The following PCDHGA3 variants were observed in gnomAD, a reference collection of about 807,000 sequenced individuals.
The protein encoded by PCDHGA3 is protocadherin gamma subfamily A, 3.
A neutral mutation model predicts 58.5 loss-of-function variants in PCDHGA3; 40 were observed. The ratio of observed to expected loss-of-function variants is 0.68; its 90% CI spans 0.53 to 0.89. PCDHGA3 has a LOEUF of 0.89. Ranked by LOEUF, PCDHGA3 falls within the 40% of genes least tolerant of loss-of-function variation. The pLI, the probability that PCDHGA3 is intolerant of heterozygous loss-of-function variation, is 0.00. For synonymous variants in PCDHGA3, 530 were observed against 525.7 expected (o/e 1.01, Z -0.11); for missense variants, 1,223 against 1,195.9 (o/e 1.02, Z -0.33).
intron 1 of PCDHGA3, chr5:141,408,464 A>C (rs764186219): frequency 6.2e-7 from 1 of 1,613,934 alleles, no homozygotes; most frequent in South Asian, 1.1e-5. Context: ...ACTTGTGAAG[A>C]ACCGAATAGA....
At chr5:141,355,117 AT>A (rs1170633529) in intron 1 of PCDHGA3, 1 of 1,513,660 alleles carries the variant, frequency 6.6e-7, no homozygotes, top group Non-Finnish European at 8.8e-7. Flanking sequence ...AATGCACTTT[AT>A]TTTGGACCCA....
At position 141,345,058 on chromosome 5, in the gene PCDHGA3, A is replaced by G; in HGVS notation, c.1025A>G (p.Asp342Gly). The G allele has an allele frequency of 6.2e-7, 1 of 1,613,992 alleles. No homozygotes were observed. The change falls in exon 1 of 4, where the codon GAC becomes GGC. Residue 342 changes from aspartate to glycine, a missense_variant. Coordinates refer to ENST00000253812, the MANE Select transcript of PCDHGA3 (RefSeq NM_018916.4). ...CTAGTCACGGTTCTGGATGTGAATGACAATGCTCCAGAAATTACAATCACG... is the reference window on the plus strand; with the variant it reads ...CTAGTCACGGTTCTGGATGTGAATGGCAATGCTCCAGAAATTACAATCACG... ...KILVTVLDVN[D>G]NAPEITITSL...
chr5:141,394,761 G>A, intron 1 of PCDHGA3: 1 of 1,613,428 alleles, frequency 6.2e-7, no homozygotes, highest in South Asian at 1.1e-5. Context: ...CCAGGACCAT[G>A]GCCAGCCCCC....
At chr5:141,376,285 C>A in intron 1 of PCDHGA3, 2 of 1,614,230 alleles carry the variant, frequency 1.2e-6, no homozygotes, top group Non-Finnish European at 1.7e-6. Context: ...GCTTAGCGAG[C>A]ATGCCCGGCT....
rs953428261 is a variant in PCDHGA3, at chr5:141,430,262, T to C, written c.2425-64545T>C. On this transcript the variant is annotated intron_variant, in intron 1 of 3. Coordinates refer to ENST00000253812, the MANE Select transcript of PCDHGA3 (RefSeq NM_018916.4). ...AACTCCTAGGGAGACATCTCCATAA[T>C]AGGTGTGTTGGGGGAACAGTAATCT... Among the ~76,000 whole-genome samples the C allele has an allele frequency of 2.6e-5, 4 of 151,892 alleles. No homozygotes were observed. The East Asian group carries it at 5.8e-4, about 22-fold the overall frequency.
In PCDHGA3 at chr5:141,486,223, C is replaced by G. The variant is rs1164723634; in HGVS notation, c.2425-8584C>G. ...ACGTAAATGACAATGCCCCTTACATCACAGTGACCTCAGAGCTTGGAACCC... is the reference window on the plus strand; with the variant it reads ...ACGTAAATGACAATGCCCCTTACATGACAGTGACCTCAGAGCTTGGAACCC... On this transcript the variant is annotated intron_variant, in intron 1 of 3. Coordinates refer to ENST00000253812, the MANE Select transcript of PCDHGA3 (RefSeq NM_018916.4). The surrounding 1 kb of genome is among the most constrained non-coding windows in gnomAD (Gnocchi z 5.0). The G allele has an allele frequency of 6.2e-7, 1 of 1,614,148 alleles. No homozygotes were observed. Among genetic ancestry groups the G allele is most frequent in the Admixed American group, 1.7e-5 (1 of 60,032 alleles).
intron 1 of PCDHGA3, chr5:141,372,171 G>A (rs573101178): frequency 2.5e-6 from 4 of 1,613,744 alleles, no homozygotes; most frequent in East Asian, 4.5e-5. Flanking sequence ...CAAGGTGGTG[G>A]CGGTGGACGC....
At chr5:141,415,909 C>A in intron 1 of PCDHGA3, 1 of 761,030 alleles carries the variant, frequency 1.3e-6, no homozygotes, top group Non-Finnish European at 1.8e-6. Flanking sequence ...GACTTCCATA[C>A]AGAAGTGCCT....
At chr5:141,400,685 T>G in intron 1 of PCDHGA3, 1 of 827,408 alleles carries the variant, frequency 1.2e-6, no homozygotes, top group South Asian at 1.8e-5. Context: ...AAATTGTGAG[T>G]TTTTATGTCG....
At position 141,489,494 on chromosome 5, in the gene PCDHGA3, C is replaced by A. The variant is rs1191408769; in HGVS notation, c.2425-5313C>A. ...CTGAGCTTGATGAGTGGTGCCCTGGCAGTGAATCAAAAGATTGACCGAGAA... is the reference window on the plus strand; with the variant it reads ...CTGAGCTTGATGAGTGGTGCCCTGGAAGTGAATCAAAAGATTGACCGAGAA... On this transcript the variant is annotated intron_variant, in intron 1 of 3. Coordinates refer to ENST00000253812, the MANE Select transcript of PCDHGA3 (RefSeq NM_018916.4). This position sits in a 1 kb window ranked among gnomAD's most constrained non-coding sequence, Gnocchi z 4.5. 1.1e-5 allele frequency: 18 copies of A among 1,613,932 alleles called. No individual in the cohort carries two copies. The highest frequency in any genetic ancestry group is 1.7e-5 in the Admixed American group (1 of 59,998).
chr5:141,382,956 C>G (rs373364562), intron 1 of PCDHGA3: 1 of 1,606,182 alleles, frequency 6.2e-7, no homozygotes, highest in Non-Finnish European at 8.5e-7. Flanking sequence ...TCTCCATCCT[C>G]CTGGGGACCC....
chr5:141,374,408 C>T (rs769866993), intron 1 of PCDHGA3: 1 of 1,614,034 alleles, frequency 6.2e-7, no homozygotes, highest in East Asian at 2.2e-5. Context: ...TTTTAACATC[C>T]TTGTCGAGGA....
At chr5:141,365,565 G>C (rs140294664) in intron 1 of PCDHGA3, 1 of 1,613,720 alleles carries the variant, frequency 6.2e-7, no homozygotes, top group Non-Finnish European at 8.5e-7. Flanking sequence ...GACCTGGACA[G>C]AGAAGAGACT....
chr5:141,392,894 G>A (rs1327938971), intron 1 of PCDHGA3: 14 of 1,613,802 alleles, frequency 8.7e-6, no homozygotes, highest in Non-Finnish European at 1.2e-5. Flanking sequence ...GGGAAATCGG[G>A]AGGGGACAGA....
chr5:141,347,783 T>C (rs1282741205), intron 1 of PCDHGA3, among the ~76,000 whole-genome samples: 2 of 146,882 alleles, frequency 1.4e-5, no homozygotes, highest in Non-Finnish European at 3.0e-5. Flanking sequence ...AGAGACTCCA[T>C]CTCAAAAAAA....
At chr5:141,393,976 A>G in intron 1 of PCDHGA3, 1 of 1,613,856 alleles carries the variant, frequency 6.2e-7, no homozygotes, top group Non-Finnish European at 8.5e-7. Flanking sequence ...TACACACGTG[A>G]TAATTTACCT....
At chr5:141,492,244 C>T (rs1334647731) in intron 1 of PCDHGA3, among the ~76,000 whole-genome samples, 1 of 152,198 alleles carries the variant, frequency 6.6e-6, no homozygotes, top group Admixed American at 6.5e-5. Flanking sequence ...TGGCCACCCC[C>T]ACGGCCCACA....
At chr5:141,423,089 G>A in intron 1 of PCDHGA3, 1 of 1,614,016 alleles carries the variant, frequency 6.2e-7, no homozygotes, top group Non-Finnish European at 8.5e-7. Flanking sequence ...TTCGCGGTGG[G>A]GGAGCACACG....
chr5:141,430,521 A>G, intron 1 of PCDHGA3: 1 of 350,390 alleles, frequency 2.9e-6, no homozygotes, highest in Non-Finnish European at 5.1e-6. Context: ...TTGTGCAGTA[A>G]TTGGTTAGGA....
Sources: gnomAD v4.1 joint callset for allele counts (sites outside exome capture counted in the v4.1 genomes callset) on GRCh38, gnomAD v4.1.1 for gene constraint, Gnocchi (gnomAD v3.1) non-coding constraint, MANE v1.5 for transcripts, NCBI Gene and HGNC (gene_info 2026-07-23, HGNC 2026-07-21) for gene names.